OPRM1: variants seen among roughly 807,000 people sequenced by gnomAD.
OPRM1 encodes opioid receptor mu 1.
Under a neutral mutation model 31.8 loss-of-function variants are expected in OPRM1, and 27 were observed. The ratio of observed to expected loss-of-function variants is 0.85; its 90% confidence interval spans 0.63 to 1.17. The LOEUF (loss-of-function observed/expected upper bound fraction) is 1.17. Among genes scored for constraint, OPRM1 ranks in the 50% most tolerant of loss-of-function variants. The pLI is 0.00. For synonymous variants in OPRM1, 196 were observed against 189.9 expected (o/e 1.03, Z -0.26); for missense variants, 536 against 511.1 (o/e 1.05, Z -0.47).
At chr6:154,132,964 T>A (rs592750), downstream of OPRM1, among the ~76,000 whole-genome samples, 137,586 of 152,014 alleles carry the variant, frequency 0.91, 62,308 homozygotes, top group East Asian at 0.98. Flanking sequence ...TACTAAAAAT[T>A]CAAAAAATTA....
upstream of OPRM1, among the ~76,000 whole-genome samples, chr6:154,038,284 T>C (rs1779439506): frequency 6.6e-6 from 1 of 152,028 alleles, no homozygotes; most frequent in Non-Finnish European, 1.5e-5. Flanking sequence ...GATATATACA[T>C]GTACAGAAAT....
At chr6:154,181,522 C>T (rs866600004) in intron 3 of OPRM1, among the ~76,000 whole-genome samples, 1 of 152,122 alleles carries the variant, frequency 6.6e-6, no homozygotes, top group East Asian at 1.9e-4. Flanking sequence ...ATATTTGATG[C>T]GTTCTTTTGA....
rs138374931 is a variant in OPRM1, at chr6:154,098,595, A to AT, written c.1164+7128dup. On this transcript the variant is annotated intron_variant, in intron 3 of 3. Coordinates refer to ENST00000330432, the MANE Select transcript of OPRM1 (RefSeq NM_000914.5). The stretch of plus-strand genomic sequence containing the variant: ...TTTGAAATGCAGTTTCACAGTATTT[A>AT]TTTTTGCTTTTGCATTTTCTCCTTC... 1.3e-3 allele frequency among the ~76,000 whole-genome samples: 204 copies of AT among 152,226 alleles called. 1 individual carries two copies. The highest frequency in any genetic ancestry group is 4.7e-3 in the African/African-American group (196 of 41,540).
At chr6:154,013,604 T>A (rs1777846262) in intron 1 of OPRM1, among the ~76,000 whole-genome samples, 1 of 152,180 alleles carries the variant, frequency 6.6e-6, no homozygotes, top group Non-Finnish European at 1.5e-5. Flanking sequence ...AAATGAAGTA[T>A]CAATAGTGTG....
chr6:154,018,931 A>G (rs1230579726), intron 1 of OPRM1, among the ~76,000 whole-genome samples: 1 of 152,042 alleles, frequency 6.6e-6, no homozygotes, highest in African/African-American at 2.4e-5. Context: ...CTTATATCAC[A>G]AATTTCTTAA....
intron 1 of OPRM1, chr6:154,011,090 G>T: frequency 8.1e-7 from 1 of 1,242,132 alleles, no homozygotes; most frequent in South Asian, 1.3e-5. Context: ...AGGAGTAAGG[G>T]CTGCTTGACA....
At chr6:154,177,490 A>G (rs1800438750) in intron 3 of OPRM1, among the ~76,000 whole-genome samples, 2 of 152,238 alleles carry the variant, frequency 1.3e-5, no homozygotes, top group African/African-American at 4.8e-5. Flanking sequence ...ACATGAACAG[A>G]CACTTCTCAA....
chr6:154,167,731 G>A (rs9479771), intron 3 of OPRM1, among the ~76,000 whole-genome samples: 9,429 of 152,170 alleles, frequency 0.062, 359 homozygotes, highest in African/African-American at 0.087. Flanking sequence ...TGCCTTGGGC[G>A]CTACTGTGTG....
chr6:154,074,926 C>T (rs1281144822), intron 1 of OPRM1, among the ~76,000 whole-genome samples: 1 of 151,904 alleles, frequency 6.6e-6, no homozygotes, highest in Non-Finnish European at 1.5e-5. Flanking sequence ...GGAAGAGAGG[C>T]AATATTGGAA....
intron 3 of OPRM1, chr6:154,154,483 T>C (rs1473140599): frequency 1.3e-5 from 2 of 152,232 alleles, no homozygotes; most frequent in African/African-American, 4.8e-5. Flanking sequence ...ACATCGATTA[T>C]TGTTGAAACA....
chr6:154,125,282 T>C lies in OPRM1; in HGVS notation c.*6561T>C, dbSNP rs1228828653. Among the ~76,000 whole-genome samples the C allele has an allele frequency of 6.6e-6, 1 of 152,250 alleles. No individual in the cohort carries two copies. The highest frequency in any genetic ancestry group is 1.5e-5 in the Non-Finnish European group (1 of 68,046). On this transcript the variant is annotated 3_prime_UTR_variant, in exon 4 of 4. Coordinates refer to ENST00000330432, the MANE Select transcript of OPRM1 (RefSeq NM_000914.5). ...TTTTGATGGTACCTGAATTTGCCTC[T>C]ATCATGCATCTCAATGATTTGTTGT...
upstream of OPRM1, among the ~76,000 whole-genome samples, chr6:154,038,382 A>T (rs1218635229): frequency 6.6e-6 from 1 of 152,200 alleles, no homozygotes; most frequent in Non-Finnish European, 1.5e-5. Context: ...TCTAAAATAG[A>T]AGCACTCATG....
intron 1 of OPRM1, among the ~76,000 whole-genome samples, chr6:154,014,326 A>G (rs931301012): frequency 3.9e-5 from 6 of 152,172 alleles, no homozygotes; most frequent in East Asian, 1.9e-4. Flanking sequence ...TAAGAAAGAT[A>G]AGAAGCCAGT....
intron 1 of OPRM1, among the ~76,000 whole-genome samples, chr6:154,078,499 A>C (rs1457425295): frequency 6.6e-6 from 1 of 152,200 alleles, no homozygotes; most frequent in Admixed American, 6.5e-5. Context: ...TGAAAGCTTT[A>C]GCTTTAAAAT....
Position 154,109,792 on chromosome 6 carries a change from C to CTCTCTGTGTG in OPRM1, c.1165-8890_1165-8889insCTCTGTGTGT, listed in dbSNP as rs1358444421. Among the ~76,000 whole-genome samples, 103 of 101,272 alleles carry CTCTCTGTGTG rather than the reference C, an allele frequency of 1.0e-3. 1 individual carries two copies. The highest frequency in any genetic ancestry group is 3.9e-3 in the African/African-American group (102 of 26,318). 66.4% of individuals were successfully genotyped at this position (101,272 alleles called of 152,430 possible). On this transcript the variant is annotated intron_variant, in intron 3 of 3. Transcript: ENST00000330432. Reference sequence around the variant, plus strand: ...CCTCTCTCTCTCTCTCTCTCTCTCTCTGTGTGTGTGTGTGTGTGTGTGTGT... The same window carrying CTCTCTGTGTG: ...CCTCTCTCTCTCTCTCTCTCTCTCTCTCTCTGTGTGTGTGTGTGTGTGTGTGTGTGTGTGT...
At chr6:154,100,140 TATATTATCATATTATGACGTATCATAA>T (rs1794519120) in intron 3 of OPRM1, among the ~76,000 whole-genome samples, 1 of 87,100 alleles carries the variant, frequency 1.1e-5, no homozygotes, top group Non-Finnish European at 2.2e-5. Flanking sequence ...ACATATAATA[TATATTATCATATTATGACGTATCATAA>T]TATATATTAT....
At chr6:154,015,349 T>C (rs1454221712) in intron 1 of OPRM1, among the ~76,000 whole-genome samples, 5 of 152,038 alleles carry the variant, frequency 3.3e-5, no homozygotes, top group Non-Finnish European at 2.9e-5. Flanking sequence ...TGGTTACATA[T>C]ACATACATAC....
intron 3 of OPRM1, chr6:154,159,189 G>T (rs1798832123): frequency 6.6e-6 from 1 of 152,662 alleles, no homozygotes; most frequent in Non-Finnish European, 1.5e-5. Context: ...CATAAAGTGT[G>T]AAAACACCAA....
chr6:154,093,211 A>G, intron 3 of OPRM1: 2 of 1,483,048 alleles, frequency 1.3e-6, no homozygotes, highest in Non-Finnish European at 1.8e-6. Flanking sequence ...TTTGAAGTAA[A>G]ATATTTCCAT....
Sources: gnomAD v4.1 joint callset for allele counts (sites outside exome capture counted in the v4.1 genomes callset) on GRCh38, gnomAD v4.1.1 for gene constraint, MANE v1.5 for transcripts, NCBI Gene and HGNC (gene_info 2026-07-23, HGNC 2026-07-21) for gene names.